Variants in CEP170B observed in about 807,000 individuals in gnomAD.
The protein encoded by CEP170B is centrosomal protein 170B.
CEP170B carries 55 observed loss-of-function variants against 120.6 expected under a neutral mutation model. The ratio of observed to expected loss-of-function variants is 0.46; its 90% CI spans 0.37 to 0.57. The LOEUF (loss-of-function observed/expected upper bound fraction) is 0.57, where lower values mean the gene tolerates loss of function less well. CEP170B is among the 20% of genes least tolerant of loss of function. CEP170B has a pLI of 0.00. For missense variants in CEP170B, 2,212 were observed against 2,253.3 expected (o/e 0.98, Z 0.37); for synonymous variants, 1,033 against 954.5 (o/e 1.08, Z -1.52).
intron 2 of CEP170B, 124 bp from the exon 3 acceptor site, chr14:104,876,132 G>A: frequency 4.6e-6 from 4 of 874,278 alleles, no homozygotes; most frequent in Non-Finnish European, 7.2e-6. Flanking sequence ...CAGCTCTGTG[G>A]TCAGAGGCCT....
Position 104,868,074 on chromosome 14 carries a change from TGTG to T in CEP170B, c.-27-348_-27-346del, listed in dbSNP as rs1334817234. Among the ~76,000 whole-genome samples the T allele has an allele frequency of 6.6e-6, 1 of 152,096 alleles. No homozygotes were observed. The highest frequency in any genetic ancestry group is 1.5e-5 in the Non-Finnish European group (1 of 68,000). ...AGCTGCTCCTGATGGGTCACGTGGA[TGTG>T]GGGTCACTTACAGGCAGTGCAGCCA... is the stretch of plus-strand genomic sequence containing the variant. On this transcript the variant is annotated intron_variant, in intron 1 of 18. Coordinates refer to ENST00000414716, the MANE Select transcript of CEP170B (RefSeq NM_001112726.3). This position sits in a 1 kb window ranked among gnomAD's most constrained non-coding sequence, Gnocchi z 5.9.
chr14:104,869,155 G>T (rs750326680), intron 2 of CEP170B, among the ~76,000 whole-genome samples: 29 of 152,292 alleles, frequency 1.9e-4, no homozygotes, highest in Non-Finnish European at 3.4e-4. Flanking sequence ...TGGGGCTTGC[G>T]ATCTGGCTGT....
intron 3 of CEP170B, 125 bp downstream of exon 3, chr14:104,876,470 C>A: frequency 1.2e-6 from 1 of 816,464 alleles, no homozygotes; most frequent in Non-Finnish European, 2.0e-6. Context: ...CCCTCCCTCT[C>A]AGTTCTGCCT....
chr14:104,866,359 C>A (rs1595301595), intron 1 of CEP170B, among the ~76,000 whole-genome samples: 1 of 152,176 alleles, frequency 6.6e-6, no homozygotes, highest in Non-Finnish European at 1.5e-5. Context: ...TGGCTGGGGG[C>A]CGGAGGTGCA....
At chr14:104,864,922 G>C (rs1895110188), upstream of CEP170B, among the ~76,000 whole-genome samples, 1 of 151,850 alleles carries the variant, frequency 6.6e-6, no homozygotes, top group Non-Finnish European at 1.5e-5. This position sits in a 1 kb window ranked among gnomAD's most constrained non-coding sequence, Gnocchi z 5.9. Flanking sequence ...GTGCGCACCC[G>C]GTTCCGCCCG....
intron 12 of CEP170B, among the ~76,000 whole-genome samples, chr14:104,888,471 G>A (rs976717303): frequency 1.3e-5 from 2 of 152,186 alleles, no homozygotes; most frequent in African/African-American, 2.4e-5. Flanking sequence ...TTCTGAGCCC[G>A]CAGGCCCCAT....
chr14:104,882,967 C>G, intron 7 of CEP170B, 68 bp from the exon 8 acceptor site: 1 of 1,464,412 alleles, frequency 6.8e-7, no homozygotes, highest in Non-Finnish European at 9.1e-7. Context: ...AGTGGATGGT[C>G]CTGGCTGAGG....
At chr14:104,881,420 T>A (rs975022647) in intron 6 of CEP170B, among the ~76,000 whole-genome samples, 4 of 152,170 alleles carry the variant, frequency 2.6e-5, no homozygotes, top group African/African-American at 9.7e-5. Context: ...TTTGGCCCCA[T>A]GTCTGCTGTG....
Position 104,886,487 on chromosome 14 carries a change from GCCAGTGGGTCGGACGGGGGCC to G in CEP170B, c.2249_2269del (p.Ala750_Arg757delinsGly). 1 of 1,535,796 alleles carries G rather than the reference GCCAGTGGGTCGGACGGGGGCC, an allele frequency of 6.5e-7. No individual in the cohort carries two copies. The highest frequency in any genetic ancestry group is 2.4e-5 in the East Asian group (1 of 42,110). ...GTTGGATCCTGACAGCCTCAGCGAT[GCCAGTGGGTCGGACGGGGGCC>G]GAGGCCCCGAGCCAGGGGTGGAGCC... On this transcript the variant is annotated inframe_deletion, in exon 12 of 19. Transcript: ENST00000414716.
At chr14:104,866,235 C>T (rs977469556) in intron 1 of CEP170B, among the ~76,000 whole-genome samples, 6 of 152,232 alleles carry the variant, frequency 3.9e-5, no homozygotes, top group Non-Finnish European at 4.4e-5. Flanking sequence ...CTGGCTCTGG[C>T]ACAGCGGCAC....
At chr14:104,872,032 G>T (rs531768892) in intron 2 of CEP170B, among the ~76,000 whole-genome samples, 1 of 152,342 alleles carries the variant, frequency 6.6e-6, no homozygotes, top group East Asian at 1.9e-4. Flanking sequence ...GGCGTTAAAT[G>T]ACGCAGGAAC....
At chr14:104,888,173 C>T (rs1320946166) in intron 12 of CEP170B, among the ~76,000 whole-genome samples, 195 bp downstream of exon 12, 2 of 152,228 alleles carry the variant, frequency 1.3e-5, no homozygotes, top group Non-Finnish European at 2.9e-5. Flanking sequence ...AGGGCAGGGC[C>T]CGCAGTCCCC....
In CEP170B at chr14:104,893,830, C is replaced by T. The variant is rs758647642; in HGVS notation, c.4252C>T (p.His1418Tyr). 8.7e-6 allele frequency: 14 copies of T among 1,612,356 alleles called. No individual in the cohort carries two copies. The highest frequency in any genetic ancestry group is 4.0e-5 in the African/African-American group (3 of 74,926). ...GCAGGCCATCCGTGAGAACACAGAG[C>T]ACCTTGCCGAGAAGATGAAGTGAGT... ...LSQAIRENTE[H>Y]LAEKMKILFQ... The change falls in exon 16 of 19, where the codon CAC becomes TAC. Residue 1418 changes from histidine to tyrosine, a missense_variant. By Grantham distance (83) the His-to-Tyr change is moderately conservative (BLOSUM62 2). Coordinates refer to ENST00000414716, the MANE Select transcript of CEP170B (RefSeq NM_001112726.3).
upstream of CEP170B, among the ~76,000 whole-genome samples, chr14:104,864,651 G>GCCC (rs1325191375): frequency 1.3e-5 from 2 of 152,038 alleles, no homozygotes; most frequent in Admixed American, 6.5e-5. The surrounding 1 kb of genome is among the most constrained non-coding windows in gnomAD (Gnocchi z 5.9). Context: ...CGGCGTCGAT[G>GCCC]CCCACCACCA....
chr14:104,871,507 G>A (rs990276230), intron 2 of CEP170B, among the ~76,000 whole-genome samples: 10 of 151,868 alleles, frequency 6.6e-5, no homozygotes, highest in Non-Finnish European at 1.3e-4. Context: ...TCCACACCCT[G>A]TCCCAGCGCC....
chr14:104,872,758 G>A (rs1895642804), intron 2 of CEP170B, among the ~76,000 whole-genome samples: 1 of 152,240 alleles, frequency 6.6e-6, no homozygotes, highest in Non-Finnish European at 1.5e-5. Context: ...GCTGGCAGGA[G>A]GGTGTGCCCA....
rs1233311609 is a variant in CEP170B at position 104,889,846 on chromosome 14, C to T, written c.3878+88C>T. ...CTGAGGGCAGGGACCAGGCTGGGAG[C>T]TCCCTTCTTGAGTGGATAGATGGTA... On this transcript the variant is annotated intron_variant, in intron 13 of 18. Transcript: ENST00000414716. 1.1e-5 allele frequency: 16 copies of T among 1,428,332 alleles called. No individual in the cohort carries two copies. In the Admixed American group the frequency reaches 3.2e-4, roughly 29 times the overall value. 88.5% of individuals were successfully genotyped at this position (1,428,332 alleles called of 1,614,324 possible). A position where few individuals can be genotyped will look rare whatever the true frequency, so the allele number is the denominator to read the frequency against.
chr14:104,881,686 G>A (rs2140680279), intron 6 of CEP170B, among the ~76,000 whole-genome samples: 1 of 152,310 alleles, frequency 6.6e-6, no homozygotes, highest in East Asian at 1.9e-4. Flanking sequence ...GTTAGAGCGA[G>A]GGCAGCACAT....
In CEP170B at chr14:104,887,491, C is replaced by T; in HGVS notation, c.3252C>T (p.Ala1084=). ...TAGGTTCTCGCCGGAAACCAGCGGC[C>T]CCACCGCCATCCCCAGCTGCCCGGG... ...GRLGSRRKPA[A]PPPSPAAREE... Residue 1084 remains alanine (A), a synonymous_variant, in exon 12 of 19, where the codon GCC becomes GCT. Transcript: ENST00000414716. 1 of 1,611,882 alleles carries T rather than the reference C, an allele frequency of 6.2e-7. No homozygotes were observed. Among genetic ancestry groups the T allele is most frequent in the Non-Finnish European group, 8.5e-7 (1 of 1,179,628 alleles).
Sources: gnomAD v4.1 joint callset for allele counts (sites outside exome capture counted in the v4.1 genomes callset) on GRCh38, gnomAD v4.1.1 for gene constraint, Gnocchi (gnomAD v3.1) non-coding constraint, MANE v1.5 for transcripts, NCBI Gene and HGNC (gene_info 2026-07-23, HGNC 2026-07-21) for gene names.